The following RTN4RL1 variants were observed in gnomAD, a reference collection of about 807,000 sequenced individuals.
RTN4RL1 encodes the protein reticulon 4 receptor like 1.
In RTN4RL1, 7 loss-of-function variants were observed where a neutral mutation model predicts 25.6. That is an observed-to-expected ratio of 0.27 (90% CI 0.16 to 0.51). The LOEUF is 0.51. Ranked by LOEUF, RTN4RL1 falls within the 20% of genes least tolerant of loss-of-function variation. The pLI, the probability that RTN4RL1 is intolerant of heterozygous loss-of-function variation, is 0.97. For synonymous variants in RTN4RL1, 297 were observed against 288.2 expected, an observed-to-expected ratio of 1.03 and a Z score of -0.31; for missense variants, 500 against 615.6, an observed-to-expected ratio of 0.81 and a Z score of 1.99.
chr17:1,962,439 C>A (rs2066768834), intron 1 of RTN4RL1, among the ~76,000 whole-genome samples: 1 of 146,178 alleles, frequency 6.8e-6, no homozygotes, highest in Non-Finnish European at 1.5e-5. Context: ...CTCCCTGCAA[C>A]CTCCGTCTCC....
In RTN4RL1 at chr17:1,936,275, G is replaced by C; in HGVS notation, c.*221C>G. 7.3e-7 allele frequency: 1 copy of C among 1,374,808 alleles called. No individual in the cohort carries two copies. Among genetic ancestry groups the C allele is most frequent in the Non-Finnish European group, 9.3e-7 (1 of 1,071,320 alleles). The allele number at this position is 1,374,808 out of a possible 1,614,324, so 85.2% of individuals were successfully genotyped here. ...TGTCCGTGGGCGCTCTGCGGGGCTG[G>C]CTGGGACAGCCGGCTGAGAAGCGCC... On this transcript the variant is annotated 3_prime_UTR_variant, in exon 2 of 2. Coordinates refer to ENST00000331238, the MANE Select transcript of RTN4RL1 (RefSeq NM_178568.4).
intron 1 of RTN4RL1, chr17:2,003,236 C>A (rs1335423014): frequency 6.6e-6 from 1 of 152,342 alleles, no homozygotes; most frequent in Non-Finnish European, 1.5e-5. Flanking sequence ...CTGAAGGCCT[C>A]CGATACCTGA....
intron 1 of RTN4RL1, among the ~76,000 whole-genome samples, chr17:2,006,769 T>C (rs1001280431): frequency 2.6e-5 from 4 of 152,240 alleles, no homozygotes; most frequent in Admixed American, 6.5e-5. Context: ...TACAGGCACA[T>C]GCCATGATGC....
At chr17:1,951,833 G>A (rs542163409) in intron 1 of RTN4RL1, among the ~76,000 whole-genome samples, 2 of 152,212 alleles carry the variant, frequency 1.3e-5, no homozygotes, top group Non-Finnish European at 2.9e-5. Flanking sequence ...ACAGAGAAGC[G>A]CCCCACTGAT....
intron 1 of RTN4RL1, among the ~76,000 whole-genome samples, chr17:2,002,363 G>A (rs888063898): frequency 6.8e-4 from 102 of 150,588 alleles, no homozygotes; most frequent in African/African-American, 2.3e-3. Context: ...CGCGATCTCG[G>A]CTCACTGCAA....
chr17:2,011,077 C>A (rs932975466), intron 1 of RTN4RL1, among the ~76,000 whole-genome samples: 2 of 147,752 alleles, frequency 1.4e-5, no homozygotes, highest in African/African-American at 4.9e-5. Context: ...CATGGAGAAA[C>A]CCCGTCTCTA....
chr17:1,997,182 C>T (rs1203913828), intron 1 of RTN4RL1, among the ~76,000 whole-genome samples: 1 of 152,372 alleles, frequency 6.6e-6, no homozygotes, highest in Non-Finnish European at 1.5e-5. Flanking sequence ...TCCTCCGTGG[C>T]CCACGAGACC....
Position 1,958,887 on chromosome 17 carries a change from G to A in RTN4RL1, c.14-21079C>T, listed in dbSNP as rs151295894. 5.7e-3 allele frequency among the ~76,000 whole-genome samples: 868 copies of A among 152,322 alleles called. 10 individuals carry two copies. Among genetic ancestry groups the A allele is most frequent in the African/African-American group, 0.02 (819 of 41,572 alleles). ...GTCTGCAGTTTTCAAATTTCAAACT[G>A]CATTAGTCAAAATATATCAAATTTC... On this transcript the variant is annotated intron_variant, in intron 1 of 1. Coordinates refer to ENST00000331238, the MANE Select transcript of RTN4RL1 (RefSeq NM_178568.4).
intron 1 of RTN4RL1, among the ~76,000 whole-genome samples, chr17:1,951,673 G>A (rs1012154071): frequency 8.5e-5 from 13 of 152,120 alleles, no homozygotes; most frequent in African/African-American, 2.7e-4. Flanking sequence ...GGCTGGTCTC[G>A]AACTCCTGAC....
chr17:1,979,526 G>T (rs34935012), intron 1 of RTN4RL1, among the ~76,000 whole-genome samples: 1 of 152,038 alleles, frequency 6.6e-6, no homozygotes, highest in Non-Finnish European at 1.5e-5. Flanking sequence ...ATGCTGAGTG[G>T]GGGGGTGTGG....
intron 1 of RTN4RL1, among the ~76,000 whole-genome samples, chr17:1,949,150 A>G (rs1915625162): frequency 6.6e-6 from 1 of 151,282 alleles, no homozygotes; most frequent in Admixed American, 6.6e-5. Flanking sequence ...TTTAGTAGAG[A>G]CGGGGTTTTC....
Position 2,025,201 on chromosome 17 carries a change from T to TGGCC in RTN4RL1, c.-340_-337dup, listed in dbSNP as rs2067255836. 4.7e-6 allele frequency: 1 copy of TGGCC among 212,242 alleles called. No homozygotes were observed. Among genetic ancestry groups the TGGCC allele is most frequent in the Non-Finnish European group, 9.3e-6 (1 of 107,206 alleles). 13.1% of individuals were successfully genotyped at this position (212,242 alleles called of 1,614,324 possible). On this transcript the variant is annotated 5_prime_UTR_variant, in exon 1 of 2. Coordinates refer to ENST00000331238, the MANE Select transcript of RTN4RL1 (RefSeq NM_178568.4). The surrounding 1 kb of genome is among the most constrained non-coding windows in gnomAD (Gnocchi z 4.8). The stretch of plus-strand genomic sequence containing the variant: ...GGTTTTGAGGGGGGACGCCGCCCCC[T>TGGCC]GGCCGGCCGGCCGCAGCCCCCTCCT...
intron 1 of RTN4RL1, among the ~76,000 whole-genome samples, chr17:2,013,128 G>C (rs1175156313): frequency 6.6e-6 from 1 of 152,180 alleles, no homozygotes; most frequent in African/African-American, 2.4e-5. Context: ...TGCTGTTTTA[G>C]TGGGGTCCTG....
intron 1 of RTN4RL1, among the ~76,000 whole-genome samples, chr17:1,964,853 A>G (rs765875566): frequency 3.5e-5 from 5 of 141,768 alleles, no homozygotes; most frequent in Non-Finnish European, 7.6e-5. Context: ...CAGTGGCGCA[A>G]TCTTGGCTCA....
rs138940383 is a variant in RTN4RL1, at chr17:1,975,956, G to A, written c.14-38148C>T. Among the ~76,000 whole-genome samples the A allele has an allele frequency of 4.0e-3, 612 of 152,322 alleles. 4 individuals carry two copies. The highest frequency in any genetic ancestry group is 0.014 in the African/African-American group (568 of 41,560). On this transcript the variant is annotated intron_variant, in intron 1 of 1. Transcript: ENST00000331238. Reference sequence around the variant, plus strand: ...TAGCCCGTACAAATACTTGGGAGCCGTGAGAAACGCCATCCCTGCAGAGAG... The same window carrying A: ...TAGCCCGTACAAATACTTGGGAGCCATGAGAAACGCCATCCCTGCAGAGAG...
intron 1 of RTN4RL1, among the ~76,000 whole-genome samples, chr17:1,986,593 C>T (rs1205736548): frequency 1.4e-4 from 21 of 152,128 alleles, no homozygotes. Context: ...TGGAGCGATG[C>T]AGCCACAGAG....
chr17:1,976,219 G>A (rs531568230), intron 1 of RTN4RL1, among the ~76,000 whole-genome samples: 1 of 152,220 alleles, frequency 6.6e-6, no homozygotes, highest in Non-Finnish European at 1.5e-5. Context: ...CAGGAGTCTT[G>A]CTGAGCCACG....
In RTN4RL1 at chr17:1,935,880, CT is replaced by C. The variant is rs1915292383; in HGVS notation, c.*615del. ...ATGATCTTTCCTTTGGTAATTGGTT[CT>C]TGGACCCCAGCAGTTGGACCTGGGT... On this transcript the variant is annotated 3_prime_UTR_variant, in exon 2 of 2. Coordinates refer to ENST00000331238, the MANE Select transcript of RTN4RL1 (RefSeq NM_178568.4). The C allele has an allele frequency of 1.0e-6, 1 of 985,460 alleles. No individual in the cohort carries two copies. Among genetic ancestry groups the C allele is most frequent in the South Asian group, 4.7e-5 (1 of 21,276 alleles). 61.0% of individuals were successfully genotyped at this position (985,460 alleles called of 1,614,324 possible).
rs536584524 is a variant in RTN4RL1 at position 2,016,726 on chromosome 17, G to A, written c.13+8127C>T. On this transcript the variant is annotated intron_variant, in intron 1 of 1. Transcript: ENST00000331238. ...GCAGCAGGCGGGCAGGCGGGAGGCC[G>A]GGCTGCAGCGCCAGAGCATAGCCAT... 5.3e-5 allele frequency among the ~76,000 whole-genome samples: 8 copies of A among 152,304 alleles called. 1 individual carries two copies. In the South Asian group the frequency reaches 8.3e-4, roughly 16 times the overall value.
Sources: gnomAD v4.1 joint callset for allele counts (sites outside exome capture counted in the v4.1 genomes callset) on GRCh38, gnomAD v4.1.1 for gene constraint, Gnocchi (gnomAD v3.1) non-coding constraint, MANE v1.5 for transcripts, NCBI Gene and HGNC (gene_info 2026-07-23, HGNC 2026-07-21) for gene names.